EBF2: variants seen among roughly 807,000 people sequenced by gnomAD.
EBF2 encodes transcription factor COE2.
In EBF2, 21 loss-of-function variants were observed where a neutral mutation model predicts 72.8. The observed-to-expected ratio is 0.29, with a 90% CI of 0.20 to 0.42. The LOEUF is 0.42. Ranked by LOEUF, EBF2 falls within the 10% of genes least tolerant of loss-of-function variation. EBF2 has a pLI of 1.00. For missense variants in EBF2, 637 were observed against 731.2 expected, an observed-to-expected ratio of 0.87 and a Z score of 1.49; for synonymous variants, 299 against 274.2, an observed-to-expected ratio of 1.09 and a Z score of -0.89.
chr8:25,885,827 AC>A (rs1802681019), intron 10 of EBF2, among the ~76,000 whole-genome samples: 1 of 152,152 alleles, frequency 6.6e-6, no homozygotes, highest in African/African-American at 2.4e-5. Flanking sequence ...TTTAAAAATT[AC>A]CCAGTCTCGG....
Position 26,042,235 on chromosome 8 carries a change from G to C in EBF2, c.148C>G (p.Arg50Gly). The C allele has an allele frequency of 1.2e-6, 2 of 1,613,700 alleles. No individual in the cohort carries two copies. The highest frequency in any genetic ancestry group is 1.7e-6 in the Non-Finnish European group (2 of 1,179,808). Residue 50 changes from arginine (R) to glycine (G), a missense_variant, in exon 2 of 16, where the codon CGG becomes GGG. Physicochemically the swap from Arg to Gly is moderately radical, Grantham distance 125. This residue lies in a region of EBF2 where 174 missense variants were observed against 161.9 expected (regional missense o/e 1.07). Transcript: ENST00000520164. ...VAAQSGVALS[R>G]AHFEKQPPSN... ...GGAGGCTGTTTCTCAAAGTGGGCCC[G>C]GGACAGGGCGACCCCGCTGCACAGG...
chr8:25,988,763 T>G (rs1435478753), intron 6 of EBF2, among the ~76,000 whole-genome samples: 1 of 152,188 alleles, frequency 6.6e-6, no homozygotes, highest in African/African-American at 2.4e-5. Flanking sequence ...CACAAGACAT[T>G]TGCTACTAGG....
At chr8:25,961,734 T>G (rs896803108) in intron 6 of EBF2, among the ~76,000 whole-genome samples, 1 of 152,184 alleles carries the variant, frequency 6.6e-6, no homozygotes, top group African/African-American at 2.4e-5. Context: ...CTGGTTTTCC[T>G]AAACTGTGAA....
At chr8:25,999,684 C>CAT (rs1209610770) in intron 6 of EBF2, among the ~76,000 whole-genome samples, 1 of 151,684 alleles carries the variant, frequency 6.6e-6, no homozygotes, top group East Asian at 1.9e-4. Flanking sequence ...AACCGTCCCC[C>CAT]ATATCCACAC....
At chr8:25,857,198 G>T (rs997654784) in intron 14 of EBF2, among the ~76,000 whole-genome samples, 1 of 152,086 alleles carries the variant, frequency 6.6e-6, no homozygotes, top group Admixed American at 6.5e-5. Context: ...GATTTTCATT[G>T]CACTAGAAGA....
At chr8:25,869,306 G>T (rs1802389651) in intron 10 of EBF2, among the ~76,000 whole-genome samples, 1 of 152,038 alleles carries the variant, frequency 6.6e-6, no homozygotes, top group Admixed American at 6.6e-5. Context: ...TGTGCCACTG[G>T]TTCTCACTCC....
chr8:25,972,826 A>G (rs1246246599), intron 6 of EBF2, among the ~76,000 whole-genome samples: 1 of 151,676 alleles, frequency 6.6e-6, no homozygotes, highest in African/African-American at 2.4e-5. Context: ...ACGATATTTC[A>G]TATGAAAACT....
chr8:26,023,466 T>C (rs1805236241), intron 6 of EBF2, among the ~76,000 whole-genome samples: 1 of 152,200 alleles, frequency 6.6e-6, no homozygotes, highest in African/African-American at 2.4e-5. Context: ...ACCACGTCCA[T>C]CCAGTTGGTC....
At chr8:26,013,217 T>A (rs1185055439) in intron 6 of EBF2, among the ~76,000 whole-genome samples, 2 of 152,204 alleles carry the variant, frequency 1.3e-5, no homozygotes, top group South Asian at 4.1e-4. Context: ...CTGATGACGA[T>A]GACGTCCCCA....
chr8:25,917,692 A>G (rs903261413), intron 6 of EBF2, among the ~76,000 whole-genome samples: 1 of 152,182 alleles, frequency 6.6e-6, no homozygotes, highest in Non-Finnish European at 1.5e-5. Context: ...AAATGAAGTT[A>G]TTAGTCAGCC....
chr8:26,020,463 G>A (rs1336638789), intron 6 of EBF2, among the ~76,000 whole-genome samples: 1 of 152,344 alleles, frequency 6.6e-6, no homozygotes, highest in Non-Finnish European at 1.5e-5. Flanking sequence ...AAAGAAGAAA[G>A]GGAGGTCTTT....
intron 6 of EBF2, among the ~76,000 whole-genome samples, chr8:25,927,488 AC>A (rs1467955220): frequency 4.6e-5 from 7 of 151,948 alleles, no homozygotes; most frequent in Non-Finnish European, 1.0e-4. Flanking sequence ...TCAAGGACCA[AC>A]AGGAAATTTC....
chr8:26,021,112 C>T (rs1805197269), intron 6 of EBF2, among the ~76,000 whole-genome samples: 1 of 152,092 alleles, frequency 6.6e-6, no homozygotes, highest in African/African-American at 2.4e-5. Context: ...GGACAGTGGA[C>T]ACTAAGCAAA....
Position 25,842,036 on chromosome 8 carries a change from A to G in EBF2, c.*2573T>C, listed in dbSNP as rs187175516. 20 of 152,314 alleles carry G rather than the reference A, an allele frequency of 1.3e-4. No homozygotes were observed. The East Asian group carries it at 3.3e-3, about 25-fold the overall frequency. The allele number at this position is 152,314 out of a possible 1,614,324, so 9.4% of individuals were successfully genotyped here. A position where few individuals can be genotyped will look rare whatever the true frequency, so the allele number is the denominator to read the frequency against. ...AAAAACTGAGAAGAATTACAACGCT[A>G]TAACAAAAGAAAGATAAATAATGAA... On this transcript the variant is annotated 3_prime_UTR_variant, in exon 16 of 16. Coordinates refer to ENST00000520164, the MANE Select transcript of EBF2 (RefSeq NM_022659.4).
chr8:25,858,236 A>T, intron 14 of EBF2, 83 bp downstream of exon 14: 3 of 1,531,454 alleles, frequency 2.0e-6, no homozygotes, highest in Non-Finnish European at 1.8e-6. Context: ...AGATTTACAA[A>T]TGCAACTTTC....
intron 6 of EBF2, among the ~76,000 whole-genome samples, chr8:25,949,249 C>A (rs976661828): frequency 2.0e-5 from 3 of 152,176 alleles, no homozygotes; most frequent in Non-Finnish European, 2.9e-5. Flanking sequence ...AGTGGAGCTA[C>A]AATTCGAGCC....
At chr8:26,007,909 A>T (rs923897799) in intron 6 of EBF2, among the ~76,000 whole-genome samples, 6 of 152,108 alleles carry the variant, frequency 3.9e-5, no homozygotes, top group Non-Finnish European at 8.8e-5. Flanking sequence ...CTAAAAAAAA[A>T]AAAATAATAA....
At chr8:25,865,918 G>A (rs959337048) in intron 10 of EBF2, among the ~76,000 whole-genome samples, 13 of 151,654 alleles carry the variant, frequency 8.6e-5, no homozygotes, top group Admixed American at 1.3e-4. Flanking sequence ...CCAGCTACTC[G>A]GGAGGCTGAG....
chr8:25,932,239 G>T (rs1352649324), intron 6 of EBF2, among the ~76,000 whole-genome samples: 1 of 151,974 alleles, frequency 6.6e-6, no homozygotes, highest in Non-Finnish European at 1.5e-5. Flanking sequence ...AAAATGAGAG[G>T]TTTATGATAA....
Sources: allele counts gnomAD v4.1 joint callset (sites outside exome capture counted in the v4.1 genomes callset), GRCh38; gene constraint gnomAD v4.1.1; regional missense constraint gnomAD v4.1.1; transcripts MANE v1.5; gene names NCBI Gene and HGNC (gene_info 2026-07-23, HGNC 2026-07-21).